The following CHN2 variants were observed in gnomAD, a reference collection of about 807,000 sequenced individuals.
CHN2 encodes chimerin 2, also known as beta-chimaerin.
A neutral mutation model predicts 56.3 loss-of-function variants in CHN2; 35 were observed. That is an observed-to-expected ratio of 0.62 (90% CI 0.47 to 0.82). The LOEUF (loss-of-function observed/expected upper bound fraction) is 0.82, where lower values mean the gene tolerates loss of function less well. Among genes scored for constraint, CHN2 ranks in the 40% least tolerant of loss-of-function variants. The pLI is 0.00. For missense variants in CHN2, 491 were observed against 580.5 expected (o/e 0.85, Z 1.58); for synonymous variants, 210 against 212.8 (o/e 0.99, Z 0.12).
At chr7:29,369,749 C>G (rs760323205) in intron 3 of CHN2, among the ~76,000 whole-genome samples, 9 of 152,124 alleles carry the variant, frequency 5.9e-5, no homozygotes, top group Non-Finnish European at 8.8e-5. Context: ...TGAAACTCTT[C>G]AACCATCCAG....
At chr7:29,382,800 C>T (rs1402383059) in intron 3 of CHN2, among the ~76,000 whole-genome samples, 6 of 152,172 alleles carry the variant, frequency 3.9e-5, no homozygotes, top group Non-Finnish European at 8.8e-5. Flanking sequence ...TTTTGCCAGG[C>T]TAAGGCATAG....
chr7:29,208,146 C>A (rs1784657694), intron 1 of CHN2, among the ~76,000 whole-genome samples: 1 of 152,118 alleles, frequency 6.6e-6, no homozygotes, highest in South Asian at 2.1e-4. Context: ...TTGGCCCTGT[C>A]ATGGAATTAA....
At chr7:29,426,206 C>CGAA (rs1804850843) in intron 6 of CHN2, among the ~76,000 whole-genome samples, 1 of 83,900 alleles carries the variant, frequency 1.2e-5, no homozygotes, top group Admixed American at 1.7e-4. Context: ...GACTCTGTCT[C>CGAA]AAAAAAAAAA....
At chr7:29,283,615 TATTTTTATTGTC>T (rs1791905541) in intron 1 of CHN2, among the ~76,000 whole-genome samples, 1 of 152,152 alleles carries the variant, frequency 6.6e-6, no homozygotes, top group Admixed American at 6.5e-5. Flanking sequence ...TTTATATTTT[TATTTTTATTGTC>T]ATTTTTATTG....
At chr7:29,242,261 G>A (rs1032107527) in intron 1 of CHN2, among the ~76,000 whole-genome samples, 1 of 152,204 alleles carries the variant, frequency 6.6e-6, no homozygotes, top group African/African-American at 2.4e-5. Context: ...GGCTTTGGAA[G>A]GCAGATAGCA....
chr7:29,345,928 C>T (rs751658721), intron 1 of CHN2, among the ~76,000 whole-genome samples: 29 of 152,048 alleles, frequency 1.9e-4, no homozygotes, highest in Non-Finnish European at 3.4e-4. Flanking sequence ...ATTTGTCTTA[C>T]TAACTATTCT....
intron 1 of CHN2, among the ~76,000 whole-genome samples, chr7:29,233,783 TG>T (rs553624110): frequency 0.38 from 55,452 of 145,268 alleles, 10,824 homozygotes; most frequent in East Asian, 0.53. Context: ...AAATGGAAAA[TG>T]GATTCTCTTT....
intron 7 of CHN2, among the ~76,000 whole-genome samples, chr7:29,489,303 C>T (rs567217900): frequency 9.8e-5 from 15 of 152,330 alleles, no homozygotes; most frequent in African/African-American, 3.6e-4. Context: ...GACAGACATT[C>T]TTCCTGTCTG....
At chr7:29,390,017 G>A (rs1801233930) in intron 3 of CHN2, among the ~76,000 whole-genome samples, 1 of 140,330 alleles carries the variant, frequency 7.1e-6, no homozygotes, top group Non-Finnish European at 1.5e-5. Flanking sequence ...TTGCCCCACT[G>A]CACTCCAGCC....
chr7:29,287,247 T>A (rs1260498405), intron 1 of CHN2, among the ~76,000 whole-genome samples: 2 of 152,164 alleles, frequency 1.3e-5, no homozygotes, highest in Non-Finnish European at 2.9e-5. Context: ...GTTTTGAGGC[T>A]CAAGCCATCT....
intron 3 of CHN2, among the ~76,000 whole-genome samples, chr7:29,392,854 T>C (rs758566290): frequency 6.6e-6 from 1 of 152,204 alleles, no homozygotes; most frequent in Non-Finnish European, 1.5e-5. Context: ...AAACTTGCTG[T>C]CATACATAGA....
chr7:29,264,087 G>A (rs1381701013), intron 1 of CHN2, among the ~76,000 whole-genome samples: 1 of 146,228 alleles, frequency 6.8e-6, no homozygotes, highest in African/African-American at 2.5e-5. Flanking sequence ...GGTGGGGGGC[G>A]CCTCTGCCTG....
At position 29,349,233 on chromosome 7, in the gene CHN2, T is replaced by C. The variant is rs1797696134; in HGVS notation, c.50-5392T>C. On this transcript the variant is annotated intron_variant, in intron 1 of 12. Transcript: ENST00000222792. ...TTGTCGTTCTGTTAGTCTCTTCTTT[T>C]TTAGCTTTCTCCTACACATGGCTTT... is the stretch of plus-strand genomic sequence containing the variant. Among the ~76,000 whole-genome samples the C allele has an allele frequency of 4.6e-5, 7 of 152,232 alleles. No individual in the cohort carries two copies. The South Asian group carries it at 1.5e-3, about 32-fold the overall frequency.
chr7:29,330,010 GC>G (rs758423192), intron 1 of CHN2, among the ~76,000 whole-genome samples: 4 of 152,004 alleles, frequency 2.6e-5, no homozygotes, highest in Non-Finnish European at 5.9e-5. Context: ...CTCTAACCTG[GC>G]CAGACTATAA....
intron 2 of CHN2, among the ~76,000 whole-genome samples, chr7:29,175,953 G>C (rs1345992156): frequency 6.6e-6 from 1 of 152,136 alleles, no homozygotes; most frequent in Non-Finnish European, 1.5e-5. Context: ...TTGGGAGGCC[G>C]AGGCGGGAAG....
intron 6 of CHN2, among the ~76,000 whole-genome samples, chr7:29,404,273 T>C (rs953592487): frequency 3.3e-5 from 5 of 152,210 alleles, no homozygotes; most frequent in Non-Finnish European, 7.3e-5. Flanking sequence ...TAATAACTAG[T>C]ATTTTCTTAA....
At chr7:29,252,898 T>TA (rs1788755688) in intron 1 of CHN2, among the ~76,000 whole-genome samples, 1 of 152,146 alleles carries the variant, frequency 6.6e-6, no homozygotes, top group South Asian at 2.1e-4. Flanking sequence ...CCCGGCCCTC[T>TA]AAAATTGCAT....
chr7:29,252,574 C>CTTTTTTTTTTTT, intron 1 of CHN2, among the ~76,000 whole-genome samples: 1 of 19,284 alleles, frequency 5.2e-5, no homozygotes, highest in Non-Finnish European at 9.3e-5. Flanking sequence ...AAATTGCATT[C>CTTTTTTTTTTTT]TTTGTTTTTT....
At position 29,246,524 on chromosome 7, in the gene CHN2, A is replaced by G. The variant is rs998297845; in HGVS notation, c.49+51534A>G. 3.3e-5 allele frequency among the ~76,000 whole-genome samples: 5 copies of G among 152,096 alleles called. No individual in the cohort carries two copies. In the East Asian group the frequency reaches 9.7e-4, roughly 29 times the overall value. ...GTGATGGGTTTGAAATGTGATCCAT[A>G]TGGCTCACAGGGGCCATTGAGCACC... On this transcript the variant is annotated intron_variant, in intron 1 of 12. Coordinates refer to ENST00000222792, the MANE Select transcript of CHN2 (RefSeq NM_004067.4).
Sources: allele counts gnomAD v4.1 joint callset (sites outside exome capture counted in the v4.1 genomes callset), GRCh38; gene constraint gnomAD v4.1.1; transcripts MANE v1.5; gene names NCBI Gene and HGNC (gene_info 2026-07-23, HGNC 2026-07-21).